The following CHRM3 variants were observed in gnomAD, a reference collection of about 807,000 sequenced individuals.
CHRM3 encodes muscarinic acetylcholine receptor M3.
A neutral mutation model predicts 41.8 loss-of-function variants in CHRM3; 11 were observed. The observed-to-expected ratio is 0.26, with a 90% CI of 0.17 to 0.44. CHRM3 has a LOEUF of 0.44. Ranked by LOEUF, CHRM3 falls within the 20% of genes least tolerant of loss-of-function variation. The pLI is 1.00. For synonymous variants in CHRM3, 297 were observed against 301.4 expected, an observed-to-expected ratio of 0.99 and a Z score of 0.15; for missense variants, 571 against 745.4, an observed-to-expected ratio of 0.77 and a Z score of 2.72.
chr1:239,821,246 T>G (rs1443705988), intron 5 of CHRM3, among the ~76,000 whole-genome samples: 2 of 152,242 alleles, frequency 1.3e-5, no homozygotes, highest in Non-Finnish European at 2.9e-5. Flanking sequence ...ATGAAGCTAT[T>G]GAGTCTCTAA....
chr1:239,604,997 T>C (rs1007954412), intron 3 of CHRM3, among the ~76,000 whole-genome samples: 1 of 152,222 alleles, frequency 6.6e-6, no homozygotes, highest in Non-Finnish European at 1.5e-5. Flanking sequence ...CATGGGTTCC[T>C]TTCATTGAAG....
chr1:239,701,697 A>T (rs1449714464), intron 5 of CHRM3, among the ~76,000 whole-genome samples: 2 of 152,168 alleles, frequency 1.3e-5, no homozygotes, highest in Non-Finnish European at 2.9e-5. Context: ...CTCCAGTTAG[A>T]AATGCAGATC....
chr1:239,815,418 T>G (rs1186060317), intron 5 of CHRM3, among the ~76,000 whole-genome samples: 1 of 152,210 alleles, frequency 6.6e-6, no homozygotes, highest in African/African-American at 2.4e-5. Context: ...ATTAAAAGGC[T>G]TGTCCAAAAC....
chr1:239,455,938 G>T (rs1227608452), intron 1 of CHRM3, among the ~76,000 whole-genome samples: 2 of 152,146 alleles, frequency 1.3e-5, no homozygotes, highest in Non-Finnish European at 2.9e-5. Context: ...TGACAAGGAA[G>T]AAGGCTTTAA....
At chr1:239,642,883 C>T (rs1671339342) in intron 4 of CHRM3, among the ~76,000 whole-genome samples, 1 of 152,088 alleles carries the variant, frequency 6.6e-6, no homozygotes. Context: ...GTTTTTTCCC[C>T]ATCTTTGTGG....
chr1:239,562,387 G>A (rs1660940572), intron 3 of CHRM3, among the ~76,000 whole-genome samples: 1 of 152,118 alleles, frequency 6.6e-6, no homozygotes. Flanking sequence ...GCATCGTGGA[G>A]CTAATAAGTT....
chr1:239,914,019 C>T lies in CHRM3; in HGVS notation c.*4795C>T, dbSNP rs1680511280. The stretch of plus-strand genomic sequence containing the variant: ...ATCAAAGGGGCTCACATCTCAGTTG[C>T]ATTCTATTTAAAAGATAAAGGGGCC... On this transcript the variant is annotated 3_prime_UTR_variant, in exon 7 of 7. Transcript: ENST00000676153. 6.0e-6 allele frequency: 1 copy of T among 166,906 alleles called. No homozygotes were observed. Among genetic ancestry groups the T allele is most frequent in the Non-Finnish European group, 1.5e-5 (1 of 68,112 alleles). The allele number at this position is 166,906 out of a possible 1,614,324, so 10.3% of individuals were successfully genotyped here.
chr1:239,804,643 G>T (rs1274590372), intron 5 of CHRM3, among the ~76,000 whole-genome samples: 3 of 152,158 alleles, frequency 2.0e-5, no homozygotes, highest in Non-Finnish European at 4.4e-5. Context: ...AATCTTTCCT[G>T]TGCAGTCACA....
intron 6 of CHRM3, among the ~76,000 whole-genome samples, chr1:239,884,456 C>T (rs867538703): frequency 6.6e-6 from 1 of 152,120 alleles, no homozygotes; most frequent in African/African-American, 2.4e-5. Context: ...GGACTTCTGG[C>T]CAGGAGAACT....
At chr1:239,798,051 C>CA (rs954150307) in intron 5 of CHRM3, among the ~76,000 whole-genome samples, 36 of 151,192 alleles carry the variant, frequency 2.4e-4, no homozygotes, top group African/African-American at 7.0e-4. Flanking sequence ...CCTATCTCTA[C>CA]AAAAAAAAAT....
chr1:239,735,053 A>G (rs1429606435), intron 5 of CHRM3, among the ~76,000 whole-genome samples: 3 of 152,114 alleles, frequency 2.0e-5, no homozygotes, highest in Non-Finnish European at 4.4e-5. Flanking sequence ...CATACTTTTG[A>G]TTTGCCGATT....
chr1:239,446,223 CCA>C (rs1664144412), intron 1 of CHRM3, among the ~76,000 whole-genome samples: 1 of 152,118 alleles, frequency 6.6e-6, no homozygotes, highest in Admixed American at 6.5e-5. Flanking sequence ...GCGTGAGCCA[CCA>C]TGCCTGGCCA....
chr1:239,425,973 A>G (rs1189236389), intron 1 of CHRM3, among the ~76,000 whole-genome samples: 1 of 151,920 alleles, frequency 6.6e-6, no homozygotes, highest in Non-Finnish European at 1.5e-5. Flanking sequence ...TTTTTTTTCC[A>G]GTAAGGCTAT....
intron 5 of CHRM3, among the ~76,000 whole-genome samples, chr1:239,723,222 C>T (rs1663135509): frequency 6.6e-6 from 1 of 151,846 alleles, no homozygotes; most frequent in African/African-American, 2.4e-5. Flanking sequence ...ATGCTAAATA[C>T]ATGAAACAAT....
In CHRM3 at chr1:239,757,872, G is replaced by A. The variant is rs538142948; in HGVS notation, c.-146-69380G>A. ...TAGGTATCTTAATGAAGCAGCAGTG[G>A]CTTAAGCACGTAATCCTGGTGGTAT... On this transcript the variant is annotated intron_variant, in intron 5 of 6. Coordinates refer to ENST00000676153, the MANE Select transcript of CHRM3 (RefSeq NM_001375978.1). 1.0e-3 allele frequency among the ~76,000 whole-genome samples: 157 copies of A among 152,258 alleles called. 1 individual carries two copies. The highest frequency in any genetic ancestry group is 3.6e-3 in the African/African-American group (148 of 41,558).
At position 239,813,027 on chromosome 1, in the gene CHRM3, C is replaced by T. The variant is rs565862516; in HGVS notation, c.-146-14225C>T. Among the ~76,000 whole-genome samples, 94 of 152,308 alleles carry T rather than the reference C, an allele frequency of 6.2e-4. 1 individual carries two copies. Among genetic ancestry groups the T allele is most frequent in the Non-Finnish European group, 1.1e-3 (73 of 68,036 alleles). On this transcript the variant is annotated intron_variant, in intron 5 of 6. Coordinates refer to ENST00000676153, the MANE Select transcript of CHRM3 (RefSeq NM_001375978.1). ...AGCCACAGTGGCTCATGCCTGTAAT[C>T]CCAGCACTTTGGGAGGCCAAGGCAG...
chr1:239,648,348 C>G (rs1394112841), intron 4 of CHRM3, among the ~76,000 whole-genome samples: 2 of 152,072 alleles, frequency 1.3e-5, no homozygotes, highest in Non-Finnish European at 2.9e-5. Context: ...GGTTTTTCAC[C>G]CTACATTGCC....
intron 4 of CHRM3, among the ~76,000 whole-genome samples, chr1:239,669,617 A>AG: frequency 6.6e-6 from 1 of 152,338 alleles, no homozygotes; most frequent in Admixed American, 6.5e-5. Flanking sequence ...AAAAGATAAA[A>AG]GGGGAAAAAA....
At chr1:239,417,413 T>A (rs971673056) in intron 1 of CHRM3, among the ~76,000 whole-genome samples, 2 of 152,148 alleles carry the variant, frequency 1.3e-5, no homozygotes, top group African/African-American at 4.8e-5. Context: ...AGGACAGAAT[T>A]ACATCTTTAG....
Sources: allele counts gnomAD v4.1 joint callset (sites outside exome capture counted in the v4.1 genomes callset), GRCh38; gene constraint gnomAD v4.1.1; transcripts MANE v1.5; gene names NCBI Gene and HGNC (gene_info 2026-07-23, HGNC 2026-07-21).